TTC39C: variants seen among roughly 807,000 people sequenced by gnomAD.
TTC39C encodes the protein tetratricopeptide repeat protein 39C.
Under a neutral mutation model 76.3 loss-of-function variants are expected in TTC39C, and 33 were observed. The observed-to-expected ratio is 0.43, with a 90% CI of 0.33 to 0.58. TTC39C has a LOEUF of 0.58. TTC39C is among the 20% of genes least tolerant of loss of function. The probability of loss-of-function intolerance (pLI) is 0.04; values close to 1 mark genes in which losing one functional copy is unlikely to be tolerated. For missense variants in TTC39C, 595 were observed against 701.4 expected (o/e 0.85, Z 1.71); for synonymous variants, 254 against 260.6 (o/e 0.97, Z 0.24).
chr18:24,132,070 T>C (rs568715058), intron 13 of TTC39C, 150 bp downstream of exon 13: 3 of 674,326 alleles, frequency 4.4e-6, no homozygotes, highest in South Asian at 4.7e-5. Context: ...ATCAGTGAGC[T>C]CTTGAGTTTT....
chr18:24,011,342 G>A (rs529286043), upstream of TTC39C, among the ~76,000 whole-genome samples: 2 of 152,332 alleles, frequency 1.3e-5, no homozygotes, highest in South Asian at 2.1e-4. Flanking sequence ...GATTTAATTA[G>A]GGGATTTCAG....
At chr18:23,997,880 GAAAA>G (rs58696468) in intron 1 of TTC39C, among the ~76,000 whole-genome samples, 6 of 118,372 alleles carry the variant, frequency 5.1e-5, no homozygotes, top group Admixed American at 4.3e-4. Flanking sequence ...TCTGAAAAAA[GAAAA>G]AAAAAAAAAG....
At chr18:24,034,280 A>T (rs899662811) in intron 1 of TTC39C, among the ~76,000 whole-genome samples, 1 of 152,258 alleles carries the variant, frequency 6.6e-6, no homozygotes, top group East Asian at 1.9e-4. Context: ...CGTACTTTAC[A>T]TCATACATTA....
Position 24,132,895 on chromosome 18 carries a change from C to A in TTC39C, c.*321C>A, listed in dbSNP as rs1011075790. 2.8e-5 allele frequency: 6 copies of A among 210,680 alleles called. No individual in the cohort carries two copies. The highest frequency in any genetic ancestry group is 4.7e-5 in the Non-Finnish European group (5 of 107,128). 13.1% of individuals were successfully genotyped at this position (210,680 alleles called of 1,614,324 possible). A position where few individuals can be genotyped will look rare whatever the true frequency, so the allele number is the denominator to read the frequency against. ...TCAAACGGAACATCCAACCCAAGAT[C>A]CTGTAGGAACACCTACCTTAAGCAC... On this transcript the variant is annotated 3_prime_UTR_variant, in exon 14 of 14. Transcript: ENST00000317571.
At chr18:24,103,987 A>G (rs1409143262) in intron 6 of TTC39C, among the ~76,000 whole-genome samples, 3 of 149,072 alleles carry the variant, frequency 2.0e-5, no homozygotes, top group Non-Finnish European at 4.4e-5. Context: ...GCTGGAGTGC[A>G]GTGGTGCCAT....
chr18:24,134,164 T>C lies in TTC39C; in HGVS notation c.*1590T>C. 1 of 153,444 alleles carries C rather than the reference T, an allele frequency of 6.5e-6. No homozygotes were observed. Among genetic ancestry groups the C allele is most frequent in the Middle Eastern group, 5.4e-4 (1 of 1,840 alleles). 9.5% of individuals were successfully genotyped at this position (153,444 alleles called of 1,614,324 possible). On this transcript the variant is annotated 3_prime_UTR_variant, in exon 14 of 14. Transcript: ENST00000317571. ...ATTCCGTGTGGGTTTTAGATAATAG[T>C]AAGAGAGAAGAGATTGCTCTCCTAT...
chr18:24,065,976 A>AATTCATTC lies in TTC39C; in HGVS notation c.217-23_217-16dup, dbSNP rs750359133. On this transcript the variant is annotated intron_variant, in intron 2 of 13. Coordinates refer to ENST00000317571, the MANE Select transcript of TTC39C (RefSeq NM_001135993.2). ...AAGTTGGCTTAAATTTTCAGATACT[A>AATTCATTC]ATTCATTCATTCATTCATTCTTTCT... 5 of 1,511,728 alleles carry AATTCATTC rather than the reference A, an allele frequency of 3.3e-6. No individual in the cohort carries two copies. The Admixed American group carries it at 1.3e-4, about 39-fold the overall frequency. 93.6% of individuals were successfully genotyped at this position (1,511,728 alleles called of 1,614,324 possible).
intron 6 of TTC39C, chr18:24,099,169 TATAA>T (rs1234406352): frequency 8.6e-5 from 13 of 151,410 alleles, no homozygotes. Flanking sequence ...TTTGGGCTGC[TATAA>T]AAGAATACTA....
At chr18:24,066,272 TG>T in intron 3 of TTC39C, 132 bp downstream of exon 3, 1 of 1,213,482 alleles carries the variant, frequency 8.2e-7, no homozygotes, top group Non-Finnish European at 1.1e-6. Context: ...ATGTTTCTTA[TG>T]GTTTTTGGTT....
intron 6 of TTC39C, among the ~76,000 whole-genome samples, chr18:24,110,978 G>A (rs2084801220): frequency 6.6e-6 from 1 of 151,398 alleles, no homozygotes; most frequent in Admixed American, 6.6e-5. Context: ...TGCCTCCATG[G>A]TGGACCAGAG....
intron 1 of TTC39C, among the ~76,000 whole-genome samples, chr18:24,003,480 T>C (rs760916416): frequency 6.6e-6 from 1 of 152,218 alleles, no homozygotes; most frequent in Non-Finnish European, 1.5e-5. Context: ...TGGCACATAG[T>C]AGGTCCTCAA....
chr18:24,116,977 C>G (rs1175934219), intron 7 of TTC39C, among the ~76,000 whole-genome samples: 1 of 151,702 alleles, frequency 6.6e-6, no homozygotes, highest in African/African-American at 2.4e-5. Flanking sequence ...AGGCGTGCAC[C>G]ACCACACCTG....
intron 1 of TTC39C, among the ~76,000 whole-genome samples, chr18:24,061,593 T>TGAAAAAA (rs1344347027): frequency 1.0e-5 from 1 of 95,824 alleles, no homozygotes; most frequent in East Asian, 3.0e-4. Context: ...TTGAAATAAG[T>TGAAAAAA]AAAAAAAAAA....
chr18:24,115,347 T>C (rs1049172142), intron 7 of TTC39C, among the ~76,000 whole-genome samples: 2 of 152,228 alleles, frequency 1.3e-5, no homozygotes, highest in Non-Finnish European at 2.9e-5. Flanking sequence ...TTGCAAAATC[T>C]TTCTGTGTAA....
At chr18:24,020,186 T>C (rs547238080) in intron 1 of TTC39C, 34 of 1,157,516 alleles carry the variant, frequency 2.9e-5, no homozygotes, top group Admixed American at 4.8e-5. Flanking sequence ...GTTGACTTTT[T>C]CCATCCTCTT....
chr18:24,104,688 T>TTGTGTGTGTG (rs10661950), intron 6 of TTC39C, among the ~76,000 whole-genome samples: 1,817 of 144,796 alleles, frequency 0.013, 38 homozygotes, highest in African/African-American at 0.039. Flanking sequence ...AGCAGGGTGT[T>TTGTGTGTGTG]TGTGTGTGTG....
In TTC39C at chr18:24,020,639, T is replaced by C. The variant is rs117318532; in HGVS notation, c.167+5601T>C. 2.2e-3 allele frequency among the ~76,000 whole-genome samples: 331 copies of C among 152,322 alleles called. 6 individuals carry two copies. The East Asian group carries it at 0.051, about 24-fold the overall frequency. On this transcript the variant is annotated intron_variant, in intron 1 of 13. Transcript: ENST00000317571. ...ATACCTGAAATCGTCTGGTAACTTA[T>C]AATACCTAACATCATGTAAGTGCTA...
intron 4 of TTC39C, among the ~76,000 whole-genome samples, chr18:24,080,342 A>G (rs905271489): frequency 5.3e-5 from 8 of 152,210 alleles, no homozygotes; most frequent in Non-Finnish European, 1.2e-4. Context: ...GAAGGGCTTT[A>G]TAGAACAATG....
intron 1 of TTC39C, among the ~76,000 whole-genome samples, chr18:24,038,198 G>A (rs1269160619): frequency 6.6e-6 from 1 of 152,186 alleles, no homozygotes; most frequent in Non-Finnish European, 1.5e-5. Context: ...GGTCCCGAAA[G>A]GAGACAAAGA....
Sources: gnomAD v4.1 joint callset for allele counts (sites outside exome capture counted in the v4.1 genomes callset) on GRCh38, gnomAD v4.1.1 for gene constraint, MANE v1.5 for transcripts, NCBI Gene and HGNC (gene_info 2026-07-23, HGNC 2026-07-21) for gene names.